OLFM1: variants seen among roughly 807,000 people sequenced by gnomAD.
OLFM1 encodes olfactomedin 1, also known as noelin.
A neutral mutation model predicts 49.7 loss-of-function variants in OLFM1; 9 were observed. The observed-to-expected ratio is 0.18, with a 90% CI of 0.11 to 0.32. OLFM1 has a LOEUF of 0.32. Ranked by LOEUF, OLFM1 falls within the 10% of genes least tolerant of loss-of-function variation. The pLI is 1.00. For missense variants in OLFM1, 369 were observed against 661.8 expected, an observed-to-expected ratio of 0.56 and a Z score of 4.85; for synonymous variants, 240 against 271.8, an observed-to-expected ratio of 0.88 and a Z score of 1.15.
At chr9:135,087,216 G>T, upstream of OLFM1, 1 of 1,400,858 alleles carries the variant, frequency 7.1e-7, no homozygotes, top group Non-Finnish European at 9.2e-7. Context: ...AGCCTGCCCT[G>T]CCTGCTGGGT....
chr9:135,110,581 C>T lies in OLFM1; in HGVS notation c.783+3726C>T, dbSNP rs74537965. On this transcript the variant is annotated intron_variant, in intron 5 of 5. Coordinates refer to ENST00000371793, the MANE Select transcript of OLFM1 (RefSeq NM_001282611.2). Reference sequence around the variant, plus strand: ...GTGGAAATATCCAAAATGCATAAAACCGTGTGGGTGCAGGCAGTGATCCGC... The same window carrying T: ...GTGGAAATATCCAAAATGCATAAAATCGTGTGGGTGCAGGCAGTGATCCGC... 3.7e-3 allele frequency among the ~76,000 whole-genome samples: 569 copies of T among 152,284 alleles called. 1 individual carries two copies. Among genetic ancestry groups the T allele is most frequent in the African/African-American group, 0.013 (522 of 41,554 alleles).
upstream of OLFM1, chr9:135,087,319 T>G (rs1176057617): frequency 2.5e-5 from 38 of 1,529,744 alleles, no homozygotes; most frequent in East Asian, 9.7e-4. Flanking sequence ...GCCGGCAACC[T>G]TTGCCCCAAA....
intron 2 of OLFM1, among the ~76,000 whole-genome samples, chr9:135,091,757 A>ACTCATAGTCACACACACCCACACATAGT (rs1830710128): frequency 1.4e-5 from 2 of 147,480 alleles, no homozygotes. Flanking sequence ...ATAGTCACAC[A>ACTCATAGTCACACACACCCACACATAGT]CACTCACACA....
At position 135,088,280 on chromosome 9, in the gene OLFM1, G is replaced by A; in HGVS notation, c.150+141G>A. On this transcript the variant is annotated intron_variant, in intron 1 of 5. Transcript: ENST00000371793. The surrounding 1 kb of genome is among the most constrained non-coding windows in gnomAD (Gnocchi z 4.8). Reference sequence around the variant, plus strand: ...GGCGGCGGGGAGCAGGGCGGGCAAGGGCAGGCGTCGCGGGCCGGCGCAGCG... The same window carrying A: ...GGCGGCGGGGAGCAGGGCGGGCAAGAGCAGGCGTCGCGGGCCGGCGCAGCG... The A allele has an allele frequency of 2.5e-6, 2 of 787,566 alleles. No homozygotes were observed. Among genetic ancestry groups the A allele is most frequent in the Non-Finnish European group, 3.4e-6 (2 of 596,450 alleles). The allele number at this position is 787,566 out of a possible 1,614,324, so 48.8% of individuals were successfully genotyped here. A position where few individuals can be genotyped will look rare whatever the true frequency, so the allele number is the denominator to read the frequency against.
intron 3 of OLFM1, among the ~76,000 whole-genome samples, chr9:135,096,871 C>T (rs1217158827): frequency 1.3e-5 from 2 of 152,178 alleles, no homozygotes; most frequent in Non-Finnish European, 2.9e-5. Context: ...TCTGCTTCTC[C>T]GGGTAACTCT....
chr9:135,090,061 C>G, intron 1 of OLFM1, 134 bp from the exon 2 acceptor site: 2 of 840,166 alleles, frequency 2.4e-6, no homozygotes, highest in Non-Finnish European at 3.6e-6. Context: ...TCAAACATGT[C>G]TTGGGACCAT....
At chr9:135,086,677 C>G (rs1300248011), upstream of OLFM1, 1 of 455,964 alleles carries the variant, frequency 2.2e-6, no homozygotes, top group Non-Finnish European at 4.4e-6. Context: ...GCCCTATTAA[C>G]GTGTTTGACC....
intron 1 of OLFM1, among the ~76,000 whole-genome samples, chr9:135,089,729 C>A (rs968731264): frequency 1.3e-5 from 2 of 152,138 alleles, no homozygotes; most frequent in South Asian, 2.1e-4. Flanking sequence ...TGTCAGGGAA[C>A]GGCAGGGCGA....
At chr9:135,115,635 T>C (rs746109484) in intron 5 of OLFM1, among the ~76,000 whole-genome samples, 13 of 152,318 alleles carry the variant, frequency 8.5e-5, no homozygotes, top group African/African-American at 3.1e-4. Flanking sequence ...CCAGCAGCAC[T>C]TTCCCCACTT....
At position 135,098,028 on chromosome 9, in the gene OLFM1, A is replaced by C. The variant is rs1830823592; in HGVS notation, c.457-258A>C. 7.0e-7 allele frequency: 1 copy of C among 1,419,726 alleles called. No individual in the cohort carries two copies. 87.9% of individuals were successfully genotyped at this position (1,419,726 alleles called of 1,614,324 possible). A position where few individuals can be genotyped will look rare whatever the true frequency, so the allele number is the denominator to read the frequency against. On this transcript the variant is annotated intron_variant, in intron 3 of 5. Coordinates refer to ENST00000371793, the MANE Select transcript of OLFM1 (RefSeq NM_001282611.2). The surrounding 1 kb of genome is among the most constrained non-coding windows in gnomAD (Gnocchi z 5.6). ...ATTTTTTGAAAAAGAAAGAAAAAAAAAACTTCGTGTATGTGACTCAAAGCA... is the reference window on the plus strand; with the variant it reads ...ATTTTTTGAAAAAGAAAGAAAAAAACAACTTCGTGTATGTGACTCAAAGCA...
Position 135,080,050 on chromosome 9 carries a change from T to A in OLFM1, c.96+4248T>A, listed in dbSNP as rs555192706. Among the ~76,000 whole-genome samples the A allele has an allele frequency of 1.3e-5, 2 of 152,174 alleles. No individual in the cohort carries two copies. The highest frequency in any genetic ancestry group is 3.9e-4 in the East Asian group (2 of 5,152). Reference sequence around the variant, plus strand: ...GACGAGAAGACCAGGGAGGTGATGCTGACTTAGGCTTTCAGAGAACCCCAG... The same window carrying A: ...GACGAGAAGACCAGGGAGGTGATGCAGACTTAGGCTTTCAGAGAACCCCAG... On this transcript the variant is annotated intron_variant, in intron 1 of 5. Transcript: ENST00000252854. The surrounding 1 kb of genome is among the most constrained non-coding windows in gnomAD (Gnocchi z 4.5).
intron 2 of OLFM1, 34 bp from the exon 3 acceptor site, chr9:135,095,830 G>C: frequency 1.2e-6 from 2 of 1,608,384 alleles, no homozygotes; most frequent in Non-Finnish European, 1.7e-6. Flanking sequence ...CACCTACTGC[G>C]GCTGTTTTGC....
chr9:135,080,698 A>G lies in OLFM1; in HGVS notation c.96+4896A>G, dbSNP rs563112783. On this transcript the variant is annotated intron_variant, in intron 1 of 5. Coordinates refer to the OLFM1 transcript ENST00000252854. This position sits in a 1 kb window ranked among gnomAD's most constrained non-coding sequence, Gnocchi z 4.5. ...ACTAAAGTTATCAGGCCCTGTAATC[A>G]GTATTAACATCACCGTGTAAAGTAA... Among the ~76,000 whole-genome samples, 10 of 152,356 alleles carry G rather than the reference A, an allele frequency of 6.6e-5. No homozygotes were observed. Among genetic ancestry groups the G allele is most frequent in the African/African-American group, 2.4e-4 (10 of 41,590 alleles).
Position 135,120,410 on chromosome 9 carries a change from C to T in OLFM1, c.*232C>T, listed in dbSNP as rs1038189164. On this transcript the variant is annotated 3_prime_UTR_variant, in exon 6 of 6. Coordinates refer to ENST00000371793, the MANE Select transcript of OLFM1 (RefSeq NM_001282611.2). ...TTGCAGCTGGAACTGCAGCCCACGG[C>T]GCCCCGGTTTTCCTCCCCGCCCTGT... is the stretch of plus-strand genomic sequence containing the variant. 8 of 570,828 alleles carry T rather than the reference C, an allele frequency of 1.4e-5. No homozygotes were observed. Among genetic ancestry groups the T allele is most frequent in the Admixed American group, 6.5e-5 (2 of 30,648 alleles). The allele number at this position is 570,828 out of a possible 1,614,324, so 35.4% of individuals were successfully genotyped here.
intron 1 of OLFM1, among the ~76,000 whole-genome samples, chr9:135,082,633 A>G (rs1490038758): frequency 6.6e-6 from 1 of 152,110 alleles, no homozygotes; most frequent in Admixed American, 6.5e-5. Flanking sequence ...AGCCCCAAAT[A>G]TGCACACACA....
chr9:135,091,677 A>T (rs796637074), intron 2 of OLFM1, among the ~76,000 whole-genome samples: 22 of 133,796 alleles, frequency 1.6e-4, no homozygotes, highest in East Asian at 2.2e-4. Flanking sequence ...TCACACACTC[A>T]CACATAGTCT....
chr9:135,088,506 AC>A lies in OLFM1; in HGVS notation c.150+368del, dbSNP rs1830633440. 6.6e-6 allele frequency among the ~76,000 whole-genome samples: 1 copy of A among 151,788 alleles called. No homozygotes were observed. The highest frequency in any genetic ancestry group is 6.5e-5 in the Admixed American group (1 of 15,274). ...GGAAACTAAGGCTGGGGACTTGGGG[AC>A]TTGTCCAAGGTCACACTCAGCGAGT... On this transcript the variant is annotated intron_variant, in intron 1 of 5. Transcript: ENST00000371793. This position sits in a 1 kb window ranked among gnomAD's most constrained non-coding sequence, Gnocchi z 4.8.
chr9:135,085,923 G>A (rs1830590542), upstream of OLFM1, among the ~76,000 whole-genome samples: 1 of 152,248 alleles, frequency 6.6e-6, no homozygotes, highest in South Asian at 2.1e-4. Context: ...CTCAGGTGCA[G>A]GTTAGAGCAG....
intron 4 of OLFM1, among the ~76,000 whole-genome samples, chr9:135,102,458 G>T (rs78842941): frequency 3.9e-5 from 6 of 152,340 alleles, no homozygotes; most frequent in Non-Finnish European, 8.8e-5. Flanking sequence ...CTAAAAAGCC[G>T]CTCAGAAGCA....
Sources: allele counts gnomAD v4.1 joint callset (sites outside exome capture counted in the v4.1 genomes callset), GRCh38; gene constraint gnomAD v4.1.1; non-coding constraint Gnocchi (gnomAD v3.1); transcripts MANE v1.5; gene names NCBI Gene and HGNC (gene_info 2026-07-23, HGNC 2026-07-21).